The following BTNL8 variants were observed in gnomAD, a reference collection of about 807,000 sequenced individuals.
BTNL8 encodes butyrophilin like 8, also known as butyrophilin-like protein 8.
In BTNL8, 22 loss-of-function variants were observed where a neutral mutation model predicts 36.1. The observed-to-expected ratio is 0.61, with a 90% CI of 0.44 to 0.87. BTNL8 has a LOEUF of 0.87. BTNL8 is among the 40% of genes least tolerant of loss of function. The pLI, the probability that BTNL8 is intolerant of heterozygous loss-of-function variation, is 0.00. For missense variants in BTNL8, 526 were observed against 616.9 expected, an observed-to-expected ratio of 0.85 and a Z score of 1.56; for synonymous variants, 203 against 235.6, an observed-to-expected ratio of 0.86 and a Z score of 1.27.
In BTNL8 at chr5:180,949,894, C is replaced by T. The variant is rs765405308; in HGVS notation, c.863-10C>T. ...AACTCATGCTTCCTCTCTCCCCCAC[C>T]GCACCCCAGTGGAGGTGACTCTGGA... On this transcript the variant is annotated splice_polypyrimidine_tract_variant and intron_variant, in intron 7 of 7. Transcript: ENST00000340184. 2.6e-5 allele frequency: 38 copies of T among 1,448,328 alleles called. 8 individuals carry two copies. The highest frequency in any genetic ancestry group is 5.6e-5 in the African/African-American group (4 of 71,704). The allele number at this position is 1,448,328 out of a possible 1,614,324, so 89.7% of individuals were successfully genotyped here.
chr5:180,907,813 C>T (rs900137514), intron 1 of BTNL8, among the ~76,000 whole-genome samples: 3 of 151,582 alleles, frequency 2.0e-5, no homozygotes, highest in Non-Finnish European at 4.4e-5. Context: ...TGGGGGGTGC[C>T]TCCCAGTTAG....
At chr5:180,911,772 T>G (rs1416995004) in intron 3 of BTNL8, among the ~76,000 whole-genome samples, 158 bp downstream of exon 3, 1 of 152,212 alleles carries the variant, frequency 6.6e-6, no homozygotes, top group African/African-American at 2.4e-5. Context: ...AGTAAAGTTA[T>G]AAACATTTGG....
intron 1 of BTNL8, among the ~76,000 whole-genome samples, chr5:180,908,279 T>G (rs1278031703): frequency 6.6e-6 from 1 of 150,918 alleles, no homozygotes. Flanking sequence ...ATTTTCCAGG[T>G]GCGTCCGTCA....
Position 180,899,323 on chromosome 5 carries a change from C to G in BTNL8, c.13C>G (p.Leu5Val). Residue 5 changes from leucine (L) to valine (V), a missense_variant, in exon 1 of 8, where the codon CTC (leucine) becomes GTC (valine). Leu to Val is a conservative substitution (Grantham distance 32). Transcript: ENST00000340184. MALMLSLVLSLLKLG... is the reference protein window; with the variant it reads MALMVSLVLSLLKLG... Reference sequence around the variant, plus strand: ...ACAGAACACATCCATGGCTCTCATGCTCAGTTTGGTTCTGAGTCTCCTCAA... The same window carrying G: ...ACAGAACACATCCATGGCTCTCATGGTCAGTTTGGTTCTGAGTCTCCTCAA... The G allele has an allele frequency of 6.2e-7, 1 of 1,614,190 alleles. No homozygotes were observed. Among genetic ancestry groups the G allele is most frequent in the Non-Finnish European group, 8.5e-7 (1 of 1,180,008 alleles).
intron 3 of BTNL8, among the ~76,000 whole-genome samples, chr5:180,931,839 A>T (rs1030196336): frequency 6.6e-6 from 1 of 152,216 alleles, no homozygotes; most frequent in African/African-American, 2.4e-5. Flanking sequence ...GAGAAATAGG[A>T]AAGTTTTTAC....
At chr5:180,939,998 A>G (rs1269747258) in intron 3 of BTNL8, among the ~76,000 whole-genome samples, 1 of 152,234 alleles carries the variant, frequency 6.6e-6, no homozygotes. Context: ...CCATTGGCTT[A>G]ATGCAGAAAT....
At chr5:180,946,666 A>G (rs1160401466) in intron 3 of BTNL8, among the ~76,000 whole-genome samples, 3 of 152,230 alleles carry the variant, frequency 2.0e-5, no homozygotes, top group Non-Finnish European at 4.4e-5. Context: ...GAGATAGACA[A>G]GAGGAATATG....
intron 2 of BTNL8, among the ~76,000 whole-genome samples, chr5:180,909,352 C>T (rs1430137985): frequency 1.3e-5 from 2 of 152,162 alleles, no homozygotes; most frequent in South Asian, 2.1e-4. Flanking sequence ...TTGCTTGTAT[C>T]GATACTTTAT....
At chr5:180,927,344 A>G (rs183957190) in intron 3 of BTNL8, among the ~76,000 whole-genome samples, 2 of 152,344 alleles carry the variant, frequency 1.3e-5, no homozygotes, top group East Asian at 3.9e-4. Flanking sequence ...ATCAAAAACC[A>G]AAGGTAGATA....
intron 1 of BTNL8, among the ~76,000 whole-genome samples, chr5:180,907,555 G>A (rs371955334): frequency 6.1e-5 from 9 of 146,536 alleles, no homozygotes; most frequent in African/African-American, 7.9e-5. Context: ...GCTTTGTTCC[G>A]TTGCTGGTGA....
At chr5:180,910,519 C>T (rs961162588) in intron 2 of BTNL8, among the ~76,000 whole-genome samples, 2 of 152,206 alleles carry the variant, frequency 1.3e-5, no homozygotes, top group East Asian at 1.9e-4. Flanking sequence ...TTGGCATTAT[C>T]GATCAGCCCA....
At chr5:180,920,277 C>A (rs1440976404) in intron 3 of BTNL8, among the ~76,000 whole-genome samples, 3 of 151,982 alleles carry the variant, frequency 2.0e-5, no homozygotes, top group Non-Finnish European at 4.4e-5. Context: ...AATTAAGAGC[C>A]AAGAAATAAA....
rs1757799635 is a variant in BTNL8 at position 180,920,165 on chromosome 5, T to A, written c.673+8551T>A. Among the ~76,000 whole-genome samples, 3 of 152,072 alleles carry A rather than the reference T, an allele frequency of 2.0e-5. No homozygotes were observed. In the South Asian group the frequency reaches 6.2e-4, roughly 31 times the overall value. ...CAAAAGTAATTGTGGTTTTTGCCAT[T>A]GAAAGTAATAGCAAAGACTGCAAAG... On this transcript the variant is annotated intron_variant, in intron 3 of 7. Transcript: ENST00000340184.
At chr5:180,945,531 G>A (rs147731736) in intron 3 of BTNL8, among the ~76,000 whole-genome samples, 82 of 152,318 alleles carry the variant, frequency 5.4e-4, no homozygotes, top group African/African-American at 1.9e-3. Flanking sequence ...ACTACCCACA[G>A]AGTGAGAGAA....
intron 3 of BTNL8, among the ~76,000 whole-genome samples, chr5:180,944,480 G>A (rs984102704): frequency 4.6e-5 from 7 of 152,152 alleles, no homozygotes; most frequent in Non-Finnish European, 7.4e-5. Context: ...TGATCTCATA[G>A]AAGTAGAAAG....
intron 3 of BTNL8, among the ~76,000 whole-genome samples, chr5:180,912,357 A>G (rs1757438919): frequency 6.6e-6 from 1 of 151,956 alleles, no homozygotes; most frequent in Non-Finnish European, 1.5e-5. Flanking sequence ...TTTATACTAA[A>G]TCTGTCTCTC....
chr5:180,922,883 G>A (rs554343056), intron 3 of BTNL8, among the ~76,000 whole-genome samples: 1 of 152,006 alleles, frequency 6.6e-6, no homozygotes, highest in Non-Finnish European at 1.5e-5. Context: ...TTTGTGTTGG[G>A]TGCATATATA....
intron 3 of BTNL8, among the ~76,000 whole-genome samples, chr5:180,942,978 A>G (rs2113858510): frequency 6.6e-6 from 1 of 152,236 alleles, no homozygotes; most frequent in African/African-American, 2.4e-5. Context: ...AACAAAGGAA[A>G]TAATTAACAG....
intron 3 of BTNL8, among the ~76,000 whole-genome samples, chr5:180,933,585 T>C (rs1758508138): frequency 1.3e-5 from 2 of 152,058 alleles, no homozygotes; most frequent in Admixed American, 1.3e-4. Flanking sequence ...AAAAATATTT[T>C]GAGACAAGCA....
Sources: gnomAD v4.1 joint callset for allele counts (sites outside exome capture counted in the v4.1 genomes callset) on GRCh38, gnomAD v4.1.1 for gene constraint, MANE v1.5 for transcripts, NCBI Gene and HGNC (gene_info 2026-07-23, HGNC 2026-07-21) for gene names.